USP37: variants seen among roughly 807,000 people sequenced by gnomAD.
USP37 encodes ubiquitin specific peptidase 37, also known as ubiquitin carboxyl-terminal hydrolase 37.
A neutral mutation model predicts 124.0 loss-of-function variants in USP37; 27 were observed. The observed-to-expected ratio is 0.22, with a 90% CI of 0.16 to 0.30. USP37 has a LOEUF of 0.30. Among genes scored for constraint, USP37 ranks in the 10% least tolerant of loss-of-function variants. The pLI is 1.00. For missense variants in USP37, 889 were observed against 1,140.4 expected (o/e 0.78, Z 3.17); for synonymous variants, 365 against 388.0 (o/e 0.94, Z 0.70).
At chr2:218,535,974 G>C (rs1443000229) in intron 8 of USP37, among the ~76,000 whole-genome samples, 1 of 126,038 alleles carries the variant, frequency 7.9e-6, no homozygotes, top group Non-Finnish European at 1.6e-5. Context: ...CAGGGATCAC[G>C]CCATTGCACT....
At chr2:218,533,883 G>A (rs893108594) in intron 9 of USP37, among the ~76,000 whole-genome samples, 1 of 152,180 alleles carries the variant, frequency 6.6e-6, no homozygotes, top group South Asian at 2.1e-4. Flanking sequence ...GGAAACATCT[G>A]ACAAAAATGT....
rs1692320388 is a variant in USP37 at position 218,546,314 on chromosome 2, A to T, written c.603-16T>A. 6 of 1,590,010 alleles carry T rather than the reference A, an allele frequency of 3.8e-6. No homozygotes were observed. Among genetic ancestry groups the T allele is most frequent in the Non-Finnish European group, 5.1e-6 (6 of 1,167,780 alleles). ...CTTTTCAGTACTACAGAGAACAAAG[A>T]AAAGGTTACTTTTAAAAAGCCACAA... On this transcript the variant is annotated splice_polypyrimidine_tract_variant and intron_variant, in intron 7 of 25. Coordinates refer to ENST00000258399, the MANE Select transcript of USP37 (RefSeq NM_020935.3).
chr2:218,552,235 A>C (rs1692706324), intron 5 of USP37, among the ~76,000 whole-genome samples: 1 of 152,230 alleles, frequency 6.6e-6, no homozygotes, highest in Non-Finnish European at 1.5e-5. Context: ...GAATGGAGAT[A>C]CTAATTAAAG....
At chr2:218,530,610 A>G (rs182525586) in intron 9 of USP37, among the ~76,000 whole-genome samples, 53 of 152,310 alleles carry the variant, frequency 3.5e-4, no homozygotes, top group Admixed American at 5.9e-4. Context: ...AAGTGAAAAG[A>G]AGAGATGCAC....
intron 5 of USP37, 149 bp downstream of exon 5, chr2:218,553,404 A>T: frequency 1.4e-6 from 1 of 699,700 alleles, no homozygotes; most frequent in Non-Finnish European, 2.1e-6. Context: ...CATATGGTGA[A>T]CTATCTTTGA....
chr2:218,552,753 A>T (rs1273458072), intron 5 of USP37, among the ~76,000 whole-genome samples: 1 of 152,186 alleles, frequency 6.6e-6, no homozygotes, highest in Non-Finnish European at 1.5e-5. Context: ...CAGCAAGAGT[A>T]AAACTTCAGA....
chr2:218,455,142 ATT>A, intron 25 of USP37, 125 bp from the exon 26 acceptor site: 1 of 1,147,918 alleles, frequency 8.7e-7, no homozygotes, highest in South Asian at 1.4e-5. Flanking sequence ...TCATGCCTGT[ATT>A]TTATTTAAAA....
chr2:218,456,355 G>A (rs2106402992), intron 24 of USP37, among the ~76,000 whole-genome samples: 1 of 151,980 alleles, frequency 6.6e-6, no homozygotes, highest in South Asian at 2.1e-4. Flanking sequence ...GCAGGCTGAG[G>A]GAGGAGGATC....
chr2:218,475,427 C>T (rs985417045), intron 19 of USP37, among the ~76,000 whole-genome samples: 2 of 151,896 alleles, frequency 1.3e-5, no homozygotes, highest in Admixed American at 6.6e-5. Flanking sequence ...GGCGAAAACC[C>T]GTCTTTACTA....
At chr2:218,469,814 C>CTTTTTTTTTTTTTTTTTTTT (rs71064451) in intron 20 of USP37, among the ~76,000 whole-genome samples, 1 of 64,646 alleles carries the variant, frequency 1.5e-5, no homozygotes, top group Non-Finnish European at 2.8e-5. Flanking sequence ...ACTCAACATT[C>CTTTTTTTTTTTTTTTTTTTT]TTTTTTTTTT....
At position 218,534,684 on chromosome 2, in the gene USP37, G is replaced by T. The variant is rs1691521689; in HGVS notation, c.703C>A (p.Pro235Thr). 6.2e-7 allele frequency: 1 copy of T among 1,608,176 alleles called. No individual in the cohort carries two copies. The highest frequency in any genetic ancestry group is 8.5e-7 in the Non-Finnish European group (1 of 1,177,124). The part of the protein sequence containing the change: ...SSSNNKAMTD[P>T]SRKYLTSSRE... ...CTGCTGGTTAAATACTTTCTGGAGGGATCTGTCATGGCCTTGTTGTTCCTA... is the reference window on the plus strand; with the variant it reads ...CTGCTGGTTAAATACTTTCTGGAGGTATCTGTCATGGCCTTGTTGTTCCTA... Residue 235 changes from proline (P) to threonine (T), a missense_variant, in exon 9 of 26, where the codon CCC becomes ACC. Pro to Thr is a conservative substitution (Grantham distance 38, BLOSUM62 -1). Around this residue, in one of 3 missense-constraint regions of USP37, gnomAD observed 374 missense variants for 386.0 expected, o/e 0.97. Coordinates refer to ENST00000258399, the MANE Select transcript of USP37 (RefSeq NM_020935.3).
At chr2:218,489,101 T>C (rs527817284) in intron 14 of USP37, among the ~76,000 whole-genome samples, 1 of 151,458 alleles carries the variant, frequency 6.6e-6, no homozygotes, top group East Asian at 2.0e-4. Flanking sequence ...CTGGTGCCTG[T>C]AATCCCAGCA....
At chr2:218,543,514 A>AC (rs1692109474) in intron 8 of USP37, among the ~76,000 whole-genome samples, 1 of 149,702 alleles carries the variant, frequency 6.7e-6, no homozygotes, top group African/African-American at 2.5e-5. Context: ...AAAAAAAAAA[A>AC]AAAAAAAAAA....
Position 218,558,779 on chromosome 2 carries a change from T to G in USP37, c.-24-102A>C, listed in dbSNP as rs115268494. The G allele has an allele frequency of 8.6e-4, 755 of 876,730 alleles. 1 individual carries two copies. In the African/African-American group the frequency reaches 0.012, roughly 13 times the overall value. 54.3% of individuals were successfully genotyped at this position (876,730 alleles called of 1,614,324 possible). ...GTAATTAATTTCTAACCACCATGCA[T>G]TTCTTCTGCGCCTTCATTTTCCCTT... is the stretch of plus-strand genomic sequence containing the variant. On this transcript the variant is annotated intron_variant, in intron 3 of 25. Coordinates refer to ENST00000258399, the MANE Select transcript of USP37 (RefSeq NM_020935.3).
intron 9 of USP37, 97 bp from the exon 10 acceptor site, chr2:218,530,137 A>T: frequency 1.2e-6 from 1 of 839,616 alleles, no homozygotes; most frequent in Non-Finnish European, 1.8e-6. Flanking sequence ...ATTATATTTA[A>T]CTCTTTTTCC....
Position 218,549,837 on chromosome 2 carries a change from C to G in USP37, c.401G>C (p.Ser134Thr), listed in dbSNP as rs150600881. ...ATTGTCTGAGTAAGAAAGCTGCCTGCTGGTTTCCTTCTGTGAGGTCCTGCT... is the reference window on the plus strand; with the variant it reads ...ATTGTCTGAGTAAGAAAGCTGCCTGGTGGTTTCCTTCTGTGAGGTCCTGCT... ...LGSRTSQKET[S>T]RQLSYSDNQA... The change falls in exon 6 of 26, where the codon AGC (serine) becomes ACC (threonine). Residue 134 changes from serine (S) to threonine (T), a missense_variant. Physicochemically the swap from Ser to Thr is moderately conservative, Grantham distance 58. Coordinates refer to ENST00000258399, the MANE Select transcript of USP37 (RefSeq NM_020935.3). The G allele has an allele frequency of 5.2e-3, 8,424 of 1,613,052 alleles. 25 individuals carry two copies. Among genetic ancestry groups the G allele is most frequent in the South Asian group, 9.3e-3 (846 of 90,944 alleles).
At chr2:218,551,641 C>T (rs894764041) in intron 5 of USP37, among the ~76,000 whole-genome samples, 2 of 152,212 alleles carry the variant, frequency 1.3e-5, no homozygotes, top group Non-Finnish European at 2.9e-5. Flanking sequence ...TTGTGCTTTC[C>T]ACTCCAGTGG....
chr2:218,532,481 AAAAG>A (rs1365530850), intron 9 of USP37, among the ~76,000 whole-genome samples: 6 of 151,256 alleles, frequency 4.0e-5, no homozygotes, highest in African/African-American at 1.5e-4. Context: ...AAAAAAAAAA[AAAAG>A]AAAGAAAGAA....
At chr2:218,476,183 C>G (rs1690964012) in intron 19 of USP37, among the ~76,000 whole-genome samples, 4 of 152,110 alleles carry the variant, frequency 2.6e-5, no homozygotes, top group Admixed American at 2.6e-4. Flanking sequence ...ATATAATTAT[C>G]TATATATTAA....
Sources: gnomAD v4.1 joint callset for allele counts (sites outside exome capture counted in the v4.1 genomes callset) on GRCh38, gnomAD v4.1.1 for gene constraint, gnomAD v4.1.1 regional missense constraint, MANE v1.5 for transcripts, NCBI Gene and HGNC (gene_info 2026-07-23, HGNC 2026-07-21) for gene names.